Variants in PXDNL observed in about 807,000 individuals in gnomAD.
PXDNL encodes the protein peroxidasin like, also known as probable oxidoreductase PXDNL.
In PXDNL, 145 loss-of-function variants were observed where a neutral mutation model predicts 150.8. That is an observed-to-expected ratio of 0.96 (90% CI 0.84 to 1.10). The LOEUF (loss-of-function observed/expected upper bound fraction) is 1.10, where lower values mean the gene tolerates loss of function less well. PXDNL is among the 50% of genes least tolerant of loss of function. The pLI, the probability that PXDNL is intolerant of heterozygous loss-of-function variation, is 0.00. For missense variants in PXDNL, 2,087 were observed against 1,873.9 expected (o/e 1.11, Z -2.10); for synonymous variants, 757 against 725.7 (o/e 1.04, Z -0.69).
In PXDNL at chr8:51,394,462, A is replaced by G. The variant is rs140684776; in HGVS notation, c.3557+13605T>C. 9.2e-5 allele frequency among the ~76,000 whole-genome samples: 14 copies of G among 152,348 alleles called. 1 individual carries two copies. Among genetic ancestry groups the G allele is most frequent in the South Asian group, 2.1e-4 (1 of 4,832 alleles). The stretch of plus-strand genomic sequence containing the variant: ...TCATTCCTAAGTCCTGAGACATATT[A>G]GAAAAACTCATCAAAGAATATCCTT... On this transcript the variant is annotated intron_variant, in intron 17 of 22. Transcript: ENST00000356297.
chr8:51,472,688 C>A (rs913693150), intron 7 of PXDNL, among the ~76,000 whole-genome samples: 1 of 152,196 alleles, frequency 6.6e-6, no homozygotes, highest in Non-Finnish European at 1.5e-5. Flanking sequence ...GCTATCTAAG[C>A]ACCCAACCAC....
chr8:51,637,120 C>A (rs1289274930), intron 2 of PXDNL, among the ~76,000 whole-genome samples: 1 of 152,190 alleles, frequency 6.6e-6, no homozygotes, highest in Non-Finnish European at 1.5e-5. Context: ...AACAGACCTG[C>A]AGCTGAGGGT....
At chr8:51,404,073 C>T (rs563026160) in intron 17 of PXDNL, among the ~76,000 whole-genome samples, 40 of 152,258 alleles carry the variant, frequency 2.6e-4, no homozygotes, top group African/African-American at 8.9e-4. Context: ...TGGGCTTGTT[C>T]ATTCTTCCTG....
chr8:51,642,071 T>C (rs1022394096), intron 2 of PXDNL, among the ~76,000 whole-genome samples: 2,976 of 151,826 alleles, frequency 0.02, 101 homozygotes, highest in African/African-American at 0.069. Context: ...ATGGATGAAA[T>C]TGGAAACCAT....
intron 17 of PXDNL, among the ~76,000 whole-genome samples, chr8:51,390,621 A>G (rs1468050393): frequency 6.6e-6 from 1 of 152,116 alleles, no homozygotes; most frequent in Non-Finnish European, 1.5e-5. Context: ...AAGCACATTG[A>G]CTGCTTTCCT....
At chr8:51,800,031 T>C (rs906771590) in intron 1 of PXDNL, among the ~76,000 whole-genome samples, 4 of 152,308 alleles carry the variant, frequency 2.6e-5, no homozygotes, top group Middle Eastern at 6.8e-3. Flanking sequence ...ACCACAAGCC[T>C]TTTCTGTAAA....
intron 1 of PXDNL, among the ~76,000 whole-genome samples, chr8:51,657,291 T>A (rs1815171366): frequency 6.6e-6 from 1 of 152,220 alleles, no homozygotes; most frequent in South Asian, 2.1e-4. Flanking sequence ...ACTGTCTATA[T>A]ATGAAAATAA....
intron 4 of PXDNL, among the ~76,000 whole-genome samples, chr8:51,514,810 C>A (rs1811501107): frequency 6.6e-6 from 1 of 152,156 alleles, no homozygotes; most frequent in Non-Finnish European, 1.5e-5. Flanking sequence ...AAAGTTGCAT[C>A]CCCACACTGA....
At chr8:51,426,536 C>A in intron 13 of PXDNL, 110 bp downstream of exon 13, 3 of 595,490 alleles carry the variant, frequency 5.0e-6, no homozygotes, top group East Asian at 2.9e-5. Flanking sequence ...TATTTGCTAG[C>A]AAAAGTCGCA....
intron 4 of PXDNL, among the ~76,000 whole-genome samples, chr8:51,514,461 G>A (rs989433158): frequency 2.0e-5 from 3 of 152,182 alleles, no homozygotes; most frequent in African/African-American, 7.2e-5. Context: ...TTAAGACGCG[G>A]GGCAGCAGAC....
intron 4 of PXDNL, among the ~76,000 whole-genome samples, chr8:51,502,293 T>A (rs1811203757): frequency 6.6e-6 from 1 of 152,102 alleles, no homozygotes; most frequent in Non-Finnish European, 1.5e-5. Flanking sequence ...CTGACACAGA[T>A]CACCCAGAGA....
At chr8:51,517,419 C>T (rs968652101) in intron 4 of PXDNL, among the ~76,000 whole-genome samples, 1 of 151,456 alleles carries the variant, frequency 6.6e-6, no homozygotes. Flanking sequence ...AAGTTTAAAA[C>T]CAATAATAAT....
chr8:51,672,119 T>C (rs533805519), intron 1 of PXDNL, among the ~76,000 whole-genome samples: 76 of 152,176 alleles, frequency 5.0e-4, no homozygotes, highest in African/African-American at 1.7e-3. Flanking sequence ...GTAGCTGGGA[T>C]TACAGGTGCA....
rs146517072 is a variant in PXDNL at position 51,556,026 on chromosome 8, C to T, written c.380+814G>A. On this transcript the variant is annotated intron_variant, in intron 4 of 22. Transcript: ENST00000356297. The stretch of plus-strand genomic sequence containing the variant: ...GAGGCTCATGACTATAATCTCAGCA[C>T]TTTGGGAATCTGAGGCGGGCAGATC... 2.6e-5 allele frequency among the ~76,000 whole-genome samples: 4 copies of T among 152,260 alleles called. No homozygotes were observed. The East Asian group carries it at 5.8e-4, about 22-fold the overall frequency.
In PXDNL at chr8:51,472,286, A is replaced by G. The variant is rs753699900; in HGVS notation, c.713T>C (p.Phe238Ser). The change falls in exon 8 of 23, where the codon TTT (phenylalanine) becomes TCT (serine). Residue 238 changes from phenylalanine (F) to serine (S), a missense_variant. Phe to Ser is a radical substitution (Grantham distance 155). Coordinates refer to ENST00000356297, the MANE Select transcript of PXDNL (RefSeq NM_144651.5). ...TGGTACCTCCACATCCTGCGGCTCA[A>G]AAGTAATTCGGGGGCTCTCTGCAAC... is the stretch of plus-strand genomic sequence containing the variant. ...EFNCQSPRITFEPQDVEVPSG... is the reference protein window; with the variant it reads ...EFNCQSPRITSEPQDVEVPSG... The G allele has an allele frequency of 6.2e-7, 1 of 1,612,744 alleles. No homozygotes were observed. The highest frequency in any genetic ancestry group is 8.5e-7 in the Non-Finnish European group (1 of 1,179,128).
At chr8:51,379,864 A>G (rs559789391) in intron 17 of PXDNL, among the ~76,000 whole-genome samples, 26 of 152,096 alleles carry the variant, frequency 1.7e-4, no homozygotes, top group South Asian at 4.1e-4. Context: ...CTCATTTTTA[A>G]TCCAAGGGTA....
intron 5 of PXDNL, among the ~76,000 whole-genome samples, chr8:51,497,443 TTAAAC>T (rs1445432765): frequency 6.6e-6 from 1 of 152,152 alleles, no homozygotes; most frequent in Admixed American, 6.5e-5. Context: ...CAGGATCTAA[TTAAAC>T]TAAAGAGCTT....
intron 2 of PXDNL, among the ~76,000 whole-genome samples, chr8:51,621,679 C>T (rs1275979879): frequency 6.6e-6 from 1 of 152,110 alleles, no homozygotes; most frequent in African/African-American, 2.4e-5. Flanking sequence ...GTGGCTCACA[C>T]CTGTAATCCC....
intron 3 of PXDNL, among the ~76,000 whole-genome samples, chr8:51,567,074 TTTG>T (rs1162512419): frequency 6.6e-6 from 1 of 151,820 alleles, no homozygotes; most frequent in African/African-American, 2.4e-5. Flanking sequence ...CTATAAATAT[TTTG>T]TTATTTTCCA....
Sources: gnomAD v4.1 joint callset for allele counts (sites outside exome capture counted in the v4.1 genomes callset) on GRCh38, gnomAD v4.1.1 for gene constraint, MANE v1.5 for transcripts, NCBI Gene and HGNC (gene_info 2026-07-23, HGNC 2026-07-21) for gene names.